Variants in WDR33 observed in about 807,000 individuals in gnomAD.
The protein encoded by WDR33 is pre-mRNA 3' end processing protein WDR33.
A neutral mutation model predicts 164.9 loss-of-function variants in WDR33; 47 were observed. That is an observed-to-expected ratio of 0.29 (90% CI 0.23 to 0.36). The LOEUF is 0.36. WDR33 is among the 10% of genes least tolerant of loss of function. The pLI, the probability that WDR33 is intolerant of heterozygous loss-of-function variation, is 1.00. For missense variants in WDR33, 1,137 were observed against 1,754.1 expected, an observed-to-expected ratio of 0.65 and a Z score of 6.28; for synonymous variants, 505 against 589.0, an observed-to-expected ratio of 0.86 and a Z score of 2.06.
Position 127,717,379 on chromosome 2 carries a change from T to C in WDR33, c.2761-116A>G. On this transcript the variant is annotated intron_variant, in intron 16 of 21. Coordinates refer to ENST00000322313, the MANE Select transcript of WDR33 (RefSeq NM_018383.5). This position sits in a 1 kb window ranked among gnomAD's most constrained non-coding sequence, Gnocchi z 5.6. Reference sequence around the variant, plus strand: ...CCCAGTAAATATTTACCTAGTAAGATTACAGTAACATTGTCCTTAAATCAG... The same window carrying C: ...CCCAGTAAATATTTACCTAGTAAGACTACAGTAACATTGTCCTTAAATCAG... The C allele has an allele frequency of 1.2e-6, 1 of 814,588 alleles. No individual in the cohort carries two copies. The highest frequency in any genetic ancestry group is 1.8e-6 in the Non-Finnish European group (1 of 554,476). The allele number at this position is 814,588 out of a possible 1,614,324, so 50.5% of individuals were successfully genotyped here.
At position 127,717,183 on chromosome 2, in the gene WDR33, G is replaced by A. The variant is rs1573882846; in HGVS notation, c.2841C>T (p.Asn947=). The stretch of plus-strand genomic sequence containing the variant: ...TGTTGGGGCCAGGTCCTTGTCCGGG[G>A]TTCAGAGGGGGAATGCGACCTTGTG... ...QGAQGRIPPL[N]PGQGPGPNKG... is the part of the protein sequence containing the mutation. Residue 947 remains asparagine, a synonymous_variant, in exon 17 of 22, where the codon AAC becomes AAT. Transcript: ENST00000322313. The surrounding 1 kb of genome is among the most constrained non-coding windows in gnomAD (Gnocchi z 5.6). The A allele has an allele frequency of 1.2e-6, 2 of 1,608,436 alleles. No individual in the cohort carries two copies. Among genetic ancestry groups the A allele is most frequent in the East Asian group, 2.2e-5 (1 of 44,836 alleles).
In WDR33 at chr2:127,706,382, T is replaced by C; in HGVS notation, c.3952A>G (p.Asn1318Asp). 2 of 1,611,500 alleles carry C rather than the reference T, an allele frequency of 1.2e-6. No homozygotes were observed. The highest frequency in any genetic ancestry group is 1.7e-6 in the Non-Finnish European group (2 of 1,178,900). The change falls in exon 22 of 22, where the codon AAC (asparagine) becomes GAC (aspartate). Residue 1318 changes from asparagine to aspartate, a missense_variant. By Grantham distance (23) the Asn-to-Asp change is conservative. This residue lies in a region of WDR33 where 867 missense variants were observed against 1,073.0 expected (regional missense o/e 0.81). Transcript: ENST00000322313. This position sits in a 1 kb window ranked among gnomAD's most constrained non-coding sequence, Gnocchi z 5.1. ...CGCCTCGGCGGGCCAGAGTTCATGTTACTCCCTCTACCCCAGTTACTGCCA... is the reference window on the plus strand; with the variant it reads ...CGCCTCGGCGGGCCAGAGTTCATGTCACTCCCTCTACCCCAGTTACTGCCA... ...RSGSNWGRGS[N>D]MNSGPPRRGA...
chr2:127,781,114 G>A (rs762645093), intron 1 of WDR33, among the ~76,000 whole-genome samples: 9 of 152,026 alleles, frequency 5.9e-5, no homozygotes, highest in Admixed American at 2.0e-4. Context: ...TCCACCTGCC[G>A]CAGCCTCCCG....
chr2:127,723,282 G>A lies in WDR33; in HGVS notation c.1262C>T (p.Pro421Leu), dbSNP rs1290842992. The A allele has an allele frequency of 1.2e-6, 2 of 1,613,922 alleles. No homozygotes were observed. Among genetic ancestry groups the A allele is most frequent in the Non-Finnish European group, 1.7e-6 (2 of 1,179,940 alleles). The change falls in exon 12 of 22, where the codon CCT (proline) becomes CTT (leucine). Residue 421 changes from proline to leucine, a missense_variant. By Grantham distance (98) the Pro-to-Leu change is moderately conservative. Transcript: ENST00000322313. The surrounding 1 kb of genome is among the most constrained non-coding windows in gnomAD (Gnocchi z 5.9). ...MRDRYNLNLL[P>L]GMSEDGVEYD... ...TTCTACTCCATCTTCAGACATTCCA[G>A]GTAAAAGGTTTAGATTATATCGATC...
At chr2:127,730,229 C>T (rs933949637) in intron 7 of WDR33, among the ~76,000 whole-genome samples, 1 of 151,956 alleles carries the variant, frequency 6.6e-6, no homozygotes, top group African/African-American at 2.4e-5. Flanking sequence ...TTACAGGCAG[C>T]ATATATCATT....
At chr2:127,777,754 ATG>A (rs1161093915) in intron 1 of WDR33, among the ~76,000 whole-genome samples, 3 of 129,984 alleles carry the variant, frequency 2.3e-5, no homozygotes, top group East Asian at 4.2e-4. Context: ...GGGACTACAC[ATG>A]TGTGCCACCT....
chr2:127,760,137 G>A (rs1261450054), intron 7 of WDR33, among the ~76,000 whole-genome samples: 1 of 152,208 alleles, frequency 6.6e-6, no homozygotes, highest in Non-Finnish European at 1.5e-5. Context: ...TTCATGTGAA[G>A]TAAGGAATAT....
In WDR33 at chr2:127,768,971, T is replaced by G. The variant is rs765972473; in HGVS notation, c.235A>C (p.Met79Leu). 6 of 1,587,464 alleles carry G rather than the reference T, an allele frequency of 3.8e-6. No individual in the cohort carries two copies. Among genetic ancestry groups the G allele is most frequent in the Middle Eastern group, 1.7e-4 (1 of 5,946 alleles). Residue 79 changes from methionine to leucine, a missense_variant, in exon 3 of 22, where the codon ATG (methionine) becomes CTG (leucine). Physicochemically the swap from Met to Leu is conservative, Grantham distance 15. Around this residue, in one of 9 missense-constraint regions of WDR33, gnomAD observed 55 missense variants for 84.6 expected, o/e 0.65. Coordinates refer to ENST00000322313, the MANE Select transcript of WDR33 (RefSeq NM_018383.5). ...CCTGCATCAGGCTGAATTGCCCGCA[T>G]ATCTCTCTGGTCTCTTTGCCATATT... Reference protein sequence around the residue: ...NRIWQRDQRDMRAIQPDAGYY... With the variant: ...NRIWQRDQRDLRAIQPDAGYY...
chr2:127,729,172 G>A (rs1429315011), intron 7 of WDR33, among the ~76,000 whole-genome samples: 1 of 152,184 alleles, frequency 6.6e-6, no homozygotes, highest in Non-Finnish European at 1.5e-5. Context: ...AAATACTTAT[G>A]TATAGCGTTA....
intron 1 of WDR33, among the ~76,000 whole-genome samples, chr2:127,777,098 T>C (rs956933192): frequency 2.0e-5 from 3 of 152,178 alleles, no homozygotes; most frequent in Non-Finnish European, 4.4e-5. Flanking sequence ...AAAAGACAAA[T>C]AATTTGCCTA....
At chr2:127,795,969 G>A (rs989120906) in intron 1 of WDR33, among the ~76,000 whole-genome samples, 7 of 151,832 alleles carry the variant, frequency 4.6e-5, no homozygotes, top group African/African-American at 1.7e-4. Flanking sequence ...AAAAAAAGTT[G>A]CCTAAGATAT....
At chr2:127,782,421 T>C (rs535789221) in intron 1 of WDR33, among the ~76,000 whole-genome samples, 40 of 151,832 alleles carry the variant, frequency 2.6e-4, no homozygotes, top group African/African-American at 8.5e-4. Flanking sequence ...TTTGAGAAAA[T>C]TGATCTCAAA....
In WDR33 at chr2:127,717,414, G is replaced by A; in HGVS notation, c.2761-151C>T. Reference sequence around the variant, plus strand: ...ATTGTCCTTAAATCAGGAGAAAGGAGATACTTCTTTTACTATAATAATTTT... The same window carrying A: ...ATTGTCCTTAAATCAGGAGAAAGGAAATACTTCTTTTACTATAATAATTTT... On this transcript the variant is annotated intron_variant, in intron 16 of 21. Transcript: ENST00000322313. This position sits in a 1 kb window ranked among gnomAD's most constrained non-coding sequence, Gnocchi z 5.6. 1.6e-6 allele frequency: 1 copy of A among 630,576 alleles called. No homozygotes were observed. Among genetic ancestry groups the A allele is most frequent in the South Asian group, 3.4e-5 (1 of 29,098 alleles). 39.1% of individuals were successfully genotyped at this position (630,576 alleles called of 1,614,324 possible). A position where few individuals can be genotyped will look rare whatever the true frequency, so the allele number is the denominator to read the frequency against.
chr2:127,801,827 T>G (rs1004750737), intron 1 of WDR33, among the ~76,000 whole-genome samples: 4 of 151,838 alleles, frequency 2.6e-5, no homozygotes, highest in Non-Finnish European at 4.4e-5. Context: ...GATGCTGCAG[T>G]GAGCCGAGAT....
chr2:127,702,232 G>A lies in WDR33; in HGVS notation c.*4091C>T, dbSNP rs548233828. On this transcript the variant is annotated 3_prime_UTR_variant, in exon 22 of 22. Coordinates refer to ENST00000322313, the MANE Select transcript of WDR33 (RefSeq NM_018383.5). ...CGCGGAGCCAGCGCCGTCGGAGACC[G>A]CGCCGGCCGAGCTGAGGACTGCACG... The A allele has an allele frequency of 6.3e-4, 756 of 1,191,234 alleles. 3 individuals are homozygous for A. Among genetic ancestry groups the A allele is most frequent in the East Asian group, 6.3e-3 (172 of 27,326 alleles). The allele number at this position is 1,191,234 out of a possible 1,614,324, so 73.8% of individuals were successfully genotyped here.
rs1687888471 is a variant in WDR33, at chr2:127,768,404, T to C, written c.274-111A>G. ...ATTTAAAGACAAATTTGGGACCATA[T>C]AGAACTTTCCCATAAAAACTATTAT... On this transcript the variant is annotated intron_variant, in intron 3 of 21. Coordinates refer to ENST00000322313, the MANE Select transcript of WDR33 (RefSeq NM_018383.5). The C allele has an allele frequency of 8.6e-6, 5 of 582,452 alleles. No individual in the cohort carries two copies. In the South Asian group the frequency reaches 9.6e-5, roughly 11 times the overall value. The allele number at this position is 582,452 out of a possible 1,614,324, so 36.1% of individuals were successfully genotyped here.
At chr2:127,783,093 T>C (rs185229648) in intron 1 of WDR33, among the ~76,000 whole-genome samples, 1 of 152,314 alleles carries the variant, frequency 6.6e-6, no homozygotes, top group Admixed American at 6.5e-5. Flanking sequence ...TTAAAGGACT[T>C]GAGCATCTGT....
chr2:127,716,977 C>T lies in WDR33; in HGVS notation c.2869+178G>A, dbSNP rs1346710114. Among the ~76,000 whole-genome samples the T allele has an allele frequency of 2.6e-5, 4 of 152,220 alleles. No homozygotes were observed. The highest frequency in any genetic ancestry group is 4.4e-5 in the Non-Finnish European group (3 of 68,042). ...GTCAGCCTCTGGGGTGAGGGGCTTA[C>T]TAAACAGATCCAAGAACACAACCAA... On this transcript the variant is annotated intron_variant, in intron 17 of 21. Transcript: ENST00000322313. This position sits in a 1 kb window ranked among gnomAD's most constrained non-coding sequence, Gnocchi z 4.5.
In WDR33 at chr2:127,708,671, T is replaced by C. The variant is rs762279294; in HGVS notation, c.3781+6A>G. 26 of 1,596,370 alleles carry C rather than the reference T, an allele frequency of 1.6e-5. No homozygotes were observed. The highest frequency in any genetic ancestry group is 2.2e-5 in the Non-Finnish European group (26 of 1,170,194). Reference sequence around the variant, plus strand: ...CCTGGAACCATAACCACTGGCCTGCTCTTACCTTTGCCTCCTCGGTCTTCA... The same window carrying C: ...CCTGGAACCATAACCACTGGCCTGCCCTTACCTTTGCCTCCTCGGTCTTCA... On this transcript the variant is annotated splice_donor_region_variant and intron_variant, in intron 21 of 21. Transcript: ENST00000322313. This position sits in a 1 kb window ranked among gnomAD's most constrained non-coding sequence, Gnocchi z 6.7.
Sources: gnomAD v4.1 joint callset for allele counts (sites outside exome capture counted in the v4.1 genomes callset) on GRCh38, gnomAD v4.1.1 for gene constraint, gnomAD v4.1.1 regional missense constraint, Gnocchi (gnomAD v3.1) non-coding constraint, MANE v1.5 for transcripts, NCBI Gene and HGNC (gene_info 2026-07-23, HGNC 2026-07-21) for gene names.